ANKS1B: variants seen among roughly 807,000 people sequenced by gnomAD.
The protein encoded by ANKS1B is ankyrin repeat and sterile alpha motif domain containing 1B, also known as ankyrin repeat and sterile alpha motif domain-containing protein 1B.
Under a neutral mutation model 148.3 loss-of-function variants are expected in ANKS1B, and 36 were observed. The observed-to-expected ratio is 0.24, with a 90% CI of 0.19 to 0.32. The LOEUF is 0.32. Among genes scored for constraint, ANKS1B ranks in the 10% least tolerant of loss-of-function variants. ANKS1B has a pLI of 1.00. For missense variants in ANKS1B, 1,157 were observed against 1,542.6 expected (o/e 0.75, Z 4.19); for synonymous variants, 542 against 560.8 (o/e 0.97, Z 0.47).
intron 8 of ANKS1B, among the ~76,000 whole-genome samples, chr12:99,722,956 G>A (rs1423607600): frequency 6.6e-6 from 1 of 152,220 alleles, no homozygotes; most frequent in East Asian, 1.9e-4. Flanking sequence ...GCCAAGGGAG[G>A]TGATGAGTGA....
In ANKS1B at chr12:99,454,191, G is replaced by A. The variant is rs961991756; in HGVS notation, c.1439-10382C>T. 3.3e-5 allele frequency among the ~76,000 whole-genome samples: 5 copies of A among 152,202 alleles called. No homozygotes were observed. In the South Asian group the frequency reaches 1.0e-3, roughly 32 times the overall value. On this transcript the variant is annotated intron_variant, in intron 10 of 26. Transcript: ENST00000683438. ...AAAGTATTCAGATGAAAGATGGAAAGGTGTATAAAAAGAAAACAAAATTGC... is the reference window on the plus strand; with the variant it reads ...AAAGTATTCAGATGAAAGATGGAAAAGTGTATAAAAAGAAAACAAAATTGC...
intron 19 of ANKS1B, among the ~76,000 whole-genome samples, chr12:98,823,042 A>T (rs1316960980): frequency 6.6e-6 from 1 of 152,246 alleles, no homozygotes; most frequent in East Asian, 1.9e-4. Context: ...CCATATTAAT[A>T]AAAAAGGTGT....
chr12:98,870,035 A>G (rs1381395894), intron 17 of ANKS1B, among the ~76,000 whole-genome samples: 1 of 152,196 alleles, frequency 6.6e-6, no homozygotes, highest in South Asian at 2.1e-4. Flanking sequence ...GCTGGAGCCC[A>G]GCTCTGGCAT....
intron 17 of ANKS1B, among the ~76,000 whole-genome samples, chr12:98,902,959 C>T (rs1415662204): frequency 6.6e-6 from 1 of 152,134 alleles, no homozygotes; most frequent in East Asian, 1.9e-4. Flanking sequence ...TGGGAGGGGA[C>T]AGTAACTTTT....
intron 11 of ANKS1B, among the ~76,000 whole-genome samples, chr12:99,409,017 A>G (rs575892666): frequency 1.3e-5 from 2 of 152,298 alleles, no homozygotes; most frequent in South Asian, 4.1e-4. Context: ...TATATTCCCA[A>G]AAGTATATCG....
At chr12:99,677,825 T>A (rs2153478143) in intron 8 of ANKS1B, among the ~76,000 whole-genome samples, 1 of 151,668 alleles carries the variant, frequency 6.6e-6, no homozygotes, top group African/African-American at 2.4e-5. Flanking sequence ...TACAAAAAAT[T>A]AGCCGGGCGT....
intron 14 of ANKS1B, among the ~76,000 whole-genome samples, chr12:99,228,702 G>T (rs529066620): frequency 2.0e-5 from 3 of 151,882 alleles, no homozygotes; most frequent in African/African-American, 7.2e-5. Flanking sequence ...ATAAACAAAA[G>T]AACATATTAT....
chr12:99,500,350 G>A (rs184737285), intron 10 of ANKS1B, among the ~76,000 whole-genome samples: 2 of 152,240 alleles, frequency 1.3e-5, no homozygotes, highest in Non-Finnish European at 2.9e-5. Flanking sequence ...TAGTCAGGAG[G>A]AAACCCAAGC....
At chr12:99,810,169 G>A (rs528470940) in intron 3 of ANKS1B, among the ~76,000 whole-genome samples, 1 of 152,086 alleles carries the variant, frequency 6.6e-6, no homozygotes, top group South Asian at 2.1e-4. Context: ...CCTTCGACAA[G>A]TTGTTTAGTT....
At chr12:98,891,540 A>G (rs939362101) in intron 17 of ANKS1B, among the ~76,000 whole-genome samples, 1 of 152,192 alleles carries the variant, frequency 6.6e-6, no homozygotes, top group African/African-American at 2.4e-5. Flanking sequence ...CATAAAAATA[A>G]TTTCTGGAAC....
intron 17 of ANKS1B, among the ~76,000 whole-genome samples, chr12:98,931,469 C>A (rs542208386): frequency 6.6e-6 from 1 of 152,250 alleles, no homozygotes; most frequent in African/African-American, 2.4e-5. Context: ...CTCCTTTCTC[C>A]TGTTTTCTAT....
chr12:99,415,876 G>A (rs1002989789), intron 11 of ANKS1B, among the ~76,000 whole-genome samples: 1 of 152,012 alleles, frequency 6.6e-6, no homozygotes, highest in Non-Finnish European at 1.5e-5. Context: ...GTAGAGACGG[G>A]GTTTCACTGT....
At chr12:99,645,712 T>C (rs1053207998) in intron 9 of ANKS1B, among the ~76,000 whole-genome samples, 2 of 152,226 alleles carry the variant, frequency 1.3e-5, no homozygotes, top group African/African-American at 4.8e-5. Flanking sequence ...TTTATTTAGC[T>C]ATCTGAGCTT....
rs1351432318 is a variant in ANKS1B, at chr12:99,014,451, ACATAGG to A, written c.2778+38700_2778+38705del. Among the ~76,000 whole-genome samples the A allele has an allele frequency of 3.9e-5, 6 of 152,250 alleles. No individual in the cohort carries two copies. In the South Asian group the frequency reaches 1.2e-3, roughly 31 times the overall value. ...GACAACCTAGGCAATACCATTCAGG[ACATAGG>A]CATGGGCAAAGATTTCATGATGAAG... On this transcript the variant is annotated intron_variant, in intron 17 of 26. Coordinates refer to ENST00000683438, the MANE Select transcript of ANKS1B (RefSeq NM_001352186.2).
At chr12:98,949,752 G>A (rs1042554862) in intron 17 of ANKS1B, 1 of 152,232 alleles carries the variant, frequency 6.6e-6, no homozygotes, top group Non-Finnish European at 1.5e-5. Context: ...TGCAGAGGCA[G>A]AGAGATGGTG....
intron 22 of ANKS1B, among the ~76,000 whole-genome samples, chr12:98,786,609 G>C (rs2098797123): frequency 6.6e-6 from 1 of 152,212 alleles, no homozygotes; most frequent in Middle Eastern, 3.2e-3. Context: ...TGCAGAATCA[G>C]TAGTATGGAG....
chr12:98,735,101 A>T, exon 10 of ANKS1B: 2 of 398,444 alleles, frequency 5.0e-6, no homozygotes. Flanking sequence ...ATGGGAAGAA[A>T]GACAAGGTAA....
intron 17 of ANKS1B, among the ~76,000 whole-genome samples, chr12:99,006,223 G>T (rs2099936074): frequency 6.6e-6 from 1 of 152,234 alleles, no homozygotes; most frequent in South Asian, 2.1e-4. Flanking sequence ...TTATCCTAAG[G>T]CTATGCCGAG....
chr12:99,248,085 C>A (rs2074096373), intron 12 of ANKS1B, among the ~76,000 whole-genome samples: 1 of 152,090 alleles, frequency 6.6e-6, no homozygotes, highest in Non-Finnish European at 1.5e-5. Context: ...CATAACAATC[C>A]TATGAAGTGA....
Sources: allele counts gnomAD v4.1 joint callset (sites outside exome capture counted in the v4.1 genomes callset), GRCh38; gene constraint gnomAD v4.1.1; transcripts MANE v1.5; gene names NCBI Gene and HGNC (gene_info 2026-07-23, HGNC 2026-07-21).